Variants in RBFOX2 observed in about 807,000 individuals in gnomAD.
RBFOX2 encodes the protein RNA binding fox-1 homolog 2.
Under a neutral mutation model 49.1 loss-of-function variants are expected in RBFOX2, and 10 were observed. The ratio of observed to expected loss-of-function variants is 0.20; its 90% CI spans 0.13 to 0.35. The LOEUF is 0.35. RBFOX2 is among the 10% of genes least tolerant of loss of function. The pLI is 1.00. For synonymous variants in RBFOX2, 183 were observed against 187.4 expected (o/e 0.98, Z 0.19); for missense variants, 323 against 486.9 (o/e 0.66, Z 3.17).
chr22:35,746,414 C>T (rs1932791543), intron 10 of RBFOX2, 59 bp downstream of exon 12: 3 of 1,383,180 alleles, frequency 2.2e-6, no homozygotes, highest in South Asian at 2.7e-5. Flanking sequence ...AAATGGGTGA[C>T]ATTTTGGGAT....
At chr22:35,816,539 C>T (rs1953088875) in intron 1 of RBFOX2, among the ~76,000 whole-genome samples, 1 of 152,140 alleles carries the variant, frequency 6.6e-6, no homozygotes, top group Admixed American at 6.5e-5. Context: ...TGTTAGGCAA[C>T]TTGTAGGTAA....
chr22:35,960,780 G>T (rs1490079535), intron 1 of RBFOX2, among the ~76,000 whole-genome samples: 2 of 152,066 alleles, frequency 1.3e-5, no homozygotes, highest in African/African-American at 2.4e-5. Flanking sequence ...ACCTAGGTAG[G>T]TATTTTTTTA....
intron 1 of RBFOX2, among the ~76,000 whole-genome samples, chr22:35,946,453 T>C (rs1325259769): frequency 6.6e-6 from 1 of 152,218 alleles, no homozygotes; most frequent in Admixed American, 6.5e-5. Flanking sequence ...TTTTCTCAAC[T>C]GTGTAATAGA....
chr22:35,879,744 A>G (rs1309584719), intron 1 of RBFOX2, among the ~76,000 whole-genome samples: 1 of 152,232 alleles, frequency 6.6e-6, no homozygotes, highest in Non-Finnish European at 1.5e-5. Context: ...GGATTATGTC[A>G]GATGTTGTGA....
chr22:35,880,743 T>C (rs1032962952), intron 1 of RBFOX2, among the ~76,000 whole-genome samples: 1 of 152,040 alleles, frequency 6.6e-6, no homozygotes, highest in Non-Finnish European at 1.5e-5. Context: ...TGTGAAATTT[T>C]AGAAGATCTT....
At chr22:35,739,992 G>C (rs1438185010) in exon 12 of RBFOX2, 1 of 152,642 alleles carries the variant, frequency 6.6e-6, no homozygotes, top group Non-Finnish European at 1.5e-5. Flanking sequence ...CGGTAACATG[G>C]AAAAGAACTC....
exon 12 of RBFOX2, chr22:35,742,675 TTCTA>T (rs1437074812): frequency 6.6e-5 from 10 of 152,600 alleles, no homozygotes; most frequent in Admixed American, 2.0e-4. Context: ...CTTTTATCAG[TTCTA>T]TCTAACAGCT....
At chr22:36,027,600 C>T (rs1304072582) in intron 1 of RBFOX2, among the ~76,000 whole-genome samples, 1 of 152,138 alleles carries the variant, frequency 6.6e-6, no homozygotes, top group African/African-American at 2.4e-5. Flanking sequence ...ACAGGAGGGA[C>T]ATGTCTAGTG....
At chr22:35,972,580 T>C (rs2150018262) in intron 1 of RBFOX2, among the ~76,000 whole-genome samples, 1 of 152,212 alleles carries the variant, frequency 6.6e-6, no homozygotes, top group Admixed American at 6.5e-5. Context: ...TTTTCACCAG[T>C]AATATGGGGC....
At chr22:35,966,111 T>C (rs1438557556), upstream of RBFOX2, among the ~76,000 whole-genome samples, 3 of 152,250 alleles carry the variant, frequency 2.0e-5, no homozygotes, top group Non-Finnish European at 4.4e-5. Flanking sequence ...TTTTGAAGTT[T>C]GTATTAATGG....
At chr22:36,027,867 G>C (rs906156549) in intron 1 of RBFOX2, among the ~76,000 whole-genome samples, 1 of 152,050 alleles carries the variant, frequency 6.6e-6, no homozygotes, top group East Asian at 1.9e-4. Flanking sequence ...TTTCCCACCA[G>C]ATCTCCTTTT....
intron 1 of RBFOX2, among the ~76,000 whole-genome samples, chr22:35,922,592 A>G (rs538180154): frequency 6.6e-6 from 1 of 152,098 alleles, no homozygotes; most frequent in South Asian, 2.1e-4. Context: ...AAAACTAGAC[A>G]TGTCTAAATC....
chr22:35,777,136 C>T (rs529222164), intron 4 of RBFOX2, among the ~76,000 whole-genome samples: 22 of 151,894 alleles, frequency 1.4e-4, no homozygotes, highest in Middle Eastern at 6.8e-3. Flanking sequence ...CTCAGCCTCC[C>T]GAGTAGCTGG....
intron 1 of RBFOX2, among the ~76,000 whole-genome samples, chr22:35,856,910 T>C (rs182752863): frequency 6.6e-6 from 1 of 152,170 alleles, no homozygotes; most frequent in East Asian, 1.9e-4. Context: ...CGTGCGCCTG[T>C]AATCCCAACT....
At chr22:35,744,063 C>G in exon 12 of RBFOX2, 1 of 671,276 alleles carries the variant, frequency 1.5e-6, no homozygotes. Context: ...AAAAAGTATT[C>G]TTTCTTTTTT....
chr22:35,779,310 A>G (rs796561816), intron 3 of RBFOX2, among the ~76,000 whole-genome samples: 2 of 152,314 alleles, frequency 1.3e-5, no homozygotes, highest in African/African-American at 2.4e-5. Context: ...TTGGAGTCAT[A>G]CCTGATTATC....
intron 1 of RBFOX2, among the ~76,000 whole-genome samples, chr22:35,927,799 T>G (rs557202231): frequency 3.1e-4 from 47 of 152,168 alleles, no homozygotes; most frequent in Admixed American, 1.3e-3. Flanking sequence ...AAGAGTCAGG[T>G]AAATAAACTT....
intron 1 of RBFOX2, among the ~76,000 whole-genome samples, chr22:35,933,692 T>C (rs968492938): frequency 3.3e-5 from 5 of 152,096 alleles, no homozygotes; most frequent in African/African-American, 1.2e-4. Context: ...AGTATAAGCC[T>C]CTTTTAATCA....
chr22:35,901,747 G>A (rs750590729), intron 1 of RBFOX2, among the ~76,000 whole-genome samples: 1 of 152,104 alleles, frequency 6.6e-6, no homozygotes, highest in Non-Finnish European at 1.5e-5. Flanking sequence ...CTTACTCCCA[G>A]TTATTAGGAA....
Sources: gnomAD v4.1 joint callset for allele counts (sites outside exome capture counted in the v4.1 genomes callset) on GRCh38, gnomAD v4.1.1 for gene constraint, MANE v1.5 for transcripts, NCBI Gene and HGNC (gene_info 2026-07-23, HGNC 2026-07-21) for gene names.